The following HIRA variants were observed in gnomAD, a reference collection of about 807,000 sequenced individuals.
The protein encoded by HIRA is histone cell cycle regulator.
Under a neutral mutation model 126.6 loss-of-function variants are expected in HIRA, and 13 were observed. The ratio of observed to expected loss-of-function variants is 0.10; its 90% CI spans 0.07 to 0.16. The LOEUF is 0.16. Among genes scored for constraint, HIRA ranks in the 10% least tolerant of loss-of-function variants. The pLI, the probability that HIRA is intolerant of heterozygous loss-of-function variation, is 1.00. For synonymous variants in HIRA, 511 were observed against 520.0 expected, an observed-to-expected ratio of 0.98 and a Z score of 0.24; for missense variants, 834 against 1,314.4, an observed-to-expected ratio of 0.63 and a Z score of 5.65.
In HIRA at chr22:19,401,640, C is replaced by T. The variant is rs1002055914; in HGVS notation, c.398-3553G>A. On this transcript the variant is annotated intron_variant, in intron 5 of 24. Transcript: ENST00000263208. The stretch of plus-strand genomic sequence containing the variant: ...CTGCTTCAGGTTACAGCCACTGCAT[C>T]CTTTCCACTGTTTGGACCATAGTCC... Among the ~76,000 whole-genome samples, 6 of 152,332 alleles carry T rather than the reference C, an allele frequency of 3.9e-5. No individual in the cohort carries two copies. In the South Asian group the frequency reaches 1.2e-3, roughly 32 times the overall value.
At chr22:19,348,878 T>C (rs1241822522) in intron 24 of HIRA, among the ~76,000 whole-genome samples, 3 of 151,818 alleles carry the variant, frequency 2.0e-5, no homozygotes, top group Non-Finnish European at 4.4e-5. Flanking sequence ...CTCTGCCTCC[T>C]AGGTTCAAGC....
chr22:19,427,028 C>G (rs2089493662), intron 1 of HIRA, among the ~76,000 whole-genome samples: 2 of 152,238 alleles, frequency 1.3e-5, no homozygotes, highest in South Asian at 4.1e-4. Context: ...AAGAAACTTA[C>G]AGTCTAGTCG....
chr22:19,380,884 A>G (rs1375842167), intron 13 of HIRA, among the ~76,000 whole-genome samples: 1 of 152,174 alleles, frequency 6.6e-6, no homozygotes, highest in African/African-American at 2.4e-5. Context: ...TCGGCCTCCC[A>G]AAGTGCTGAG....
chr22:19,390,161 C>A (rs901094902), intron 9 of HIRA, among the ~76,000 whole-genome samples: 2 of 152,132 alleles, frequency 1.3e-5, no homozygotes, highest in Non-Finnish European at 2.9e-5. Flanking sequence ...GAAACTTAAC[C>A]CTTCAGGAGC....
intron 5 of HIRA, among the ~76,000 whole-genome samples, chr22:19,402,374 C>T (rs1038495692): frequency 1.3e-5 from 2 of 152,210 alleles, no homozygotes; most frequent in Non-Finnish European, 2.9e-5. Flanking sequence ...TTAAGTCTTA[C>T]AAAACTAATT....
intron 24 of HIRA, among the ~76,000 whole-genome samples, chr22:19,332,065 CTA>C (rs1268743752): frequency 6.6e-6 from 1 of 152,214 alleles, no homozygotes; most frequent in African/African-American, 2.4e-5. Flanking sequence ...GCTGACCAAA[CTA>C]TGCTTAGTTG....
Position 19,425,776 on chromosome 22 carries a change from G to A in HIRA, c.37+5664C>T, listed in dbSNP as rs144560943. On this transcript the variant is annotated intron_variant, in intron 1 of 24. Coordinates refer to ENST00000263208, the MANE Select transcript of HIRA (RefSeq NM_003325.4). ...AGGCGGGTGGATCACCTGAGGTCAG[G>A]AGTTCGAGAGCAGCCAGGCCAACGT... Among the ~76,000 whole-genome samples, 513 of 152,270 alleles carry A rather than the reference G, an allele frequency of 3.4e-3. 19 individuals are homozygous for A. In the East Asian group the frequency reaches 0.068, roughly 20 times the overall value.
chr22:19,391,482 T>C (rs1601839945), intron 9 of HIRA, among the ~76,000 whole-genome samples: 2 of 145,288 alleles, frequency 1.4e-5, no homozygotes, highest in Non-Finnish European at 3.0e-5. Flanking sequence ...TTTTTCTTTT[T>C]CTTTTTTTTT....
At chr22:19,379,098 C>T (rs1307620860) in intron 13 of HIRA, among the ~76,000 whole-genome samples, 1 of 151,378 alleles carries the variant, frequency 6.6e-6, no homozygotes, top group Non-Finnish European at 1.5e-5. Flanking sequence ...CGCGATCTCG[C>T]CTCACTGCAA....
rs191315332 is a variant in HIRA, at chr22:19,334,222, G to A, written c.2938-2666C>T. Among the ~76,000 whole-genome samples, 1,478 of 151,554 alleles carry A rather than the reference G, an allele frequency of 9.8e-3. 26 individuals carry two copies. The highest frequency in any genetic ancestry group is 0.031 in the African/African-American group (1,299 of 41,432). On this transcript the variant is annotated intron_variant, in intron 24 of 24. Transcript: ENST00000263208. ...GATCTCCTGACCTTGTGATCCGCCC[G>A]CCTTGGCCTCCCAAAGTGCTGGGAT... is the stretch of plus-strand genomic sequence containing the variant.
intron 18 of HIRA, among the ~76,000 whole-genome samples, chr22:19,357,503 AG>A (rs1356628224): frequency 1.3e-5 from 2 of 152,212 alleles, no homozygotes; most frequent in African/African-American, 4.8e-5. Flanking sequence ...CTCTGTGTCC[AG>A]GGGGCTGTCT....
intron 11 of HIRA, among the ~76,000 whole-genome samples, chr22:19,386,182 G>C (rs1249849307): frequency 6.6e-6 from 1 of 152,166 alleles, no homozygotes; most frequent in Non-Finnish European, 1.5e-5. Context: ...CCTGTGGTTG[G>C]AAGTCCCCAT....
chr22:19,383,595 C>A (rs772708861), intron 13 of HIRA, 25 bp downstream of exon 13: 1 of 1,580,862 alleles, frequency 6.3e-7, no homozygotes. Context: ...CCAGATAAGA[C>A]CATGAAAGGG....
chr22:19,359,947 A>G (rs1411972443), intron 17 of HIRA, among the ~76,000 whole-genome samples: 1 of 152,154 alleles, frequency 6.6e-6, no homozygotes, highest in Non-Finnish European at 1.5e-5. Context: ...GGGAATGTTT[A>G]GAAAACCCCC....
At chr22:19,372,899 T>C (rs2088980401) in intron 15 of HIRA, among the ~76,000 whole-genome samples, 1 of 152,160 alleles carries the variant, frequency 6.6e-6, no homozygotes, top group Non-Finnish European at 1.5e-5. Context: ...CATGGTTTTG[T>C]AAAGATGAGG....
chr22:19,348,557 G>A (rs964169502), intron 24 of HIRA, among the ~76,000 whole-genome samples: 5 of 151,692 alleles, frequency 3.3e-5, no homozygotes, highest in Non-Finnish European at 5.9e-5. Flanking sequence ...GTGCAATGGC[G>A]CGATCTCGGC....
In HIRA at chr22:19,375,627, C is replaced by T. The variant is rs552384860; in HGVS notation, c.1775+4G>A. The T allele has an allele frequency of 3.1e-6, 5 of 1,614,108 alleles. No homozygotes were observed. The highest frequency in any genetic ancestry group is 1.3e-5 in the African/African-American group (1 of 75,052). On this transcript the variant is annotated splice_donor_region_variant and intron_variant, in intron 15 of 24. Coordinates refer to ENST00000263208, the MANE Select transcript of HIRA (RefSeq NM_003325.4). ...TCCTTCAGGGTCCTGCAGCTACCACCTACCTTTCCACAGCTGTCGGAGTCA... is the reference window on the plus strand; with the variant it reads ...TCCTTCAGGGTCCTGCAGCTACCACTTACCTTTCCACAGCTGTCGGAGTCA...
At chr22:19,346,965 C>T (rs2088693789) in intron 24 of HIRA, among the ~76,000 whole-genome samples, 1 of 152,158 alleles carries the variant, frequency 6.6e-6, no homozygotes, top group South Asian at 2.1e-4. Flanking sequence ...CAAATGGTAG[C>T]CTGTTTGTGG....
chr22:19,362,125 T>A (rs774629451), intron 15 of HIRA, among the ~76,000 whole-genome samples, 194 bp from the exon 16 acceptor site: 9 of 152,316 alleles, frequency 5.9e-5, no homozygotes, highest in South Asian at 4.1e-4. Flanking sequence ...CCGGAATCTG[T>A]TGCCAGAAGA....
Sources: gnomAD v4.1 joint callset for allele counts (sites outside exome capture counted in the v4.1 genomes callset) on GRCh38, gnomAD v4.1.1 for gene constraint, MANE v1.5 for transcripts, NCBI Gene and HGNC (gene_info 2026-07-23, HGNC 2026-07-21) for gene names.